CD300A: variants seen among roughly 807,000 people sequenced by gnomAD.
The protein encoded by CD300A is CD300a molecule.
A neutral mutation model predicts 33.6 loss-of-function variants in CD300A; 22 were observed. The observed-to-expected ratio is 0.66, with a 90% CI of 0.47 to 0.94. The LOEUF (loss-of-function observed/expected upper bound fraction) is 0.94, where lower values mean the gene tolerates loss of function less well. Among genes scored for constraint, CD300A ranks in the 40% least tolerant of loss-of-function variants. CD300A has a pLI of 0.00. For synonymous variants in CD300A, 136 were observed against 148.1 expected, an observed-to-expected ratio of 0.92 and a Z score of 0.59; for missense variants, 326 against 360.5, an observed-to-expected ratio of 0.90 and a Z score of 0.77.
chr17:74,473,885 C>G lies in CD300A; in HGVS notation c.379+11C>G. ...TGTCCGTGTTCCCGGGTGAGCCCCT[C>G]CTTCCCTCAGCGCCTAAATAGGCTC... On this transcript the variant is annotated intron_variant, in intron 2 of 6. Transcript: ENST00000360141. 1 of 1,606,458 alleles carries G rather than the reference C, an allele frequency of 6.2e-7. No individual in the cohort carries two copies. Among genetic ancestry groups the G allele is most frequent in the Admixed American group, 1.7e-5 (1 of 59,780 alleles).
intron 1 of CD300A, 54 bp from the exon 2 acceptor site, chr17:74,473,482 C>A: frequency 1.9e-6 from 3 of 1,554,676 alleles, no homozygotes; most frequent in Non-Finnish European, 2.6e-6. Context: ...CCCCAGGGCA[C>A]CCCTGACCAG....
Position 74,480,519 on chromosome 17 carries a change from A to T in CD300A, c.629-770A>T, listed in dbSNP as rs1906765962. On this transcript the variant is annotated intron_variant, in intron 4 of 6. Transcript: ENST00000360141. This position sits in a 1 kb window ranked among gnomAD's most constrained non-coding sequence, Gnocchi z 4.2. Reference sequence around the variant, plus strand: ...CTGGGGCTGACAGGCCTCCTTCCCTACGGCCTGGGGCAGCAGGCAGGTGGG... The same window carrying T: ...CTGGGGCTGACAGGCCTCCTTCCCTTCGGCCTGGGGCAGCAGGCAGGTGGG... 6.6e-6 allele frequency among the ~76,000 whole-genome samples: 1 copy of T among 152,036 alleles called. No individual in the cohort carries two copies. The highest frequency in any genetic ancestry group is 6.5e-5 in the Admixed American group (1 of 15,274).
intron 1 of CD300A, among the ~76,000 whole-genome samples, chr17:74,473,005 G>A (rs1906205681): frequency 2.0e-5 from 3 of 152,100 alleles, no homozygotes; most frequent in Non-Finnish European, 4.4e-5. Flanking sequence ...TCCTCTTGCA[G>A]GGTTGCCCAG....
intron 1 of CD300A, among the ~76,000 whole-genome samples, chr17:74,468,592 C>G (rs891443001): frequency 6.6e-6 from 1 of 152,144 alleles, no homozygotes; most frequent in Non-Finnish European, 1.5e-5. Context: ...CTTGTCCTCC[C>G]AAAATGCAGG....
chr17:74,476,823 A>G (rs1324647355), intron 3 of CD300A, among the ~76,000 whole-genome samples: 1 of 152,212 alleles, frequency 6.6e-6, no homozygotes, highest in Non-Finnish European at 1.5e-5. Flanking sequence ...ACTGACGTGG[A>G]AAGACCTCTA....
Position 74,474,691 on chromosome 17 carries a change from C to T in CD300A, c.533+6C>T, listed in dbSNP as rs752969166. ...GAGGAGGTGGTGAACTCACAGTAAG[C>T]ACCCTAGCCCCTGAGACATGGAGGG... is the stretch of plus-strand genomic sequence containing the variant. On this transcript the variant is annotated splice_donor_region_variant and intron_variant, in intron 3 of 6. Coordinates refer to ENST00000360141, the MANE Select transcript of CD300A (RefSeq NM_007261.4). 8.1e-6 allele frequency: 13 copies of T among 1,613,720 alleles called. No individual in the cohort carries two copies. Among genetic ancestry groups the T allele is most frequent in the South Asian group, 6.6e-5 (6 of 91,054 alleles).
At position 74,484,181 on chromosome 17, in the gene CD300A, C is replaced by G; in HGVS notation, c.*55C>G. On this transcript the variant is annotated 3_prime_UTR_variant, in exon 7 of 7. Coordinates refer to ENST00000360141, the MANE Select transcript of CD300A (RefSeq NM_007261.4). ...TCATGGGCCCCAGGAAGTCCAGGGACAGCTCCCTTATACCTGGCCCACGTC... is the reference window on the plus strand; with the variant it reads ...TCATGGGCCCCAGGAAGTCCAGGGAGAGCTCCCTTATACCTGGCCCACGTC... 1 of 1,597,526 alleles carries G rather than the reference C, an allele frequency of 6.3e-7. No individual in the cohort carries two copies. Among genetic ancestry groups the G allele is most frequent in the Non-Finnish European group, 8.6e-7 (1 of 1,168,766 alleles).
Position 74,473,780 on chromosome 17 carries a change from G to A in CD300A, c.285G>A (p.Glu95=). ...CAGTGACCCTGGAGAATCTCACAGA[G>A]GAGGATGCAGGCACCTACTGGTGTG... The part of the protein sequence containing the change: ...SFTVTLENLT[E]EDAGTYWCGV... The change falls in exon 2 of 7, where the codon GAG becomes GAA. Residue 95 remains glutamate (E), a synonymous_variant. Transcript: ENST00000360141. 1 of 1,614,260 alleles carries A rather than the reference G, an allele frequency of 6.2e-7. No homozygotes were observed. Among genetic ancestry groups the A allele is most frequent in the Non-Finnish European group, 8.5e-7 (1 of 1,180,038 alleles).
chr17:74,481,682 G>A (rs1218773321), intron 5 of CD300A, 44 bp from the exon 6 acceptor site: 1 of 1,398,844 alleles, frequency 7.1e-7, no homozygotes. Flanking sequence ...GACAGAGGCT[G>A]CAGGGCTCCG....
At chr17:74,474,908 A>G (rs1251937954) in intron 3 of CD300A, among the ~76,000 whole-genome samples, 1 of 152,138 alleles carries the variant, frequency 6.6e-6, no homozygotes, top group African/African-American at 2.4e-5. Flanking sequence ...AAGGAAAGTG[A>G]TAGTTACTGA....
In CD300A at chr17:74,480,780, C is replaced by T. The variant is rs755124805; in HGVS notation, c.629-509C>T. ...TTTTCGTTTTTGAGACAGAGTCTTGCTCTGTTGCCCAGGCTGGAGTGCAGT... is the reference window on the plus strand; with the variant it reads ...TTTTCGTTTTTGAGACAGAGTCTTGTTCTGTTGCCCAGGCTGGAGTGCAGT... On this transcript the variant is annotated intron_variant, in intron 4 of 6. Transcript: ENST00000360141. This position sits in a 1 kb window ranked among gnomAD's most constrained non-coding sequence, Gnocchi z 4.2. 6.6e-6 allele frequency among the ~76,000 whole-genome samples: 1 copy of T among 152,164 alleles called. No homozygotes were observed. The highest frequency in any genetic ancestry group is 1.5e-5 in the Non-Finnish European group (1 of 68,038).
rs111636139 is a variant in CD300A at position 74,473,583 on chromosome 17, G to A, written c.88G>A (p.Gly30Arg). 191 of 1,614,020 alleles carry A rather than the reference G, an allele frequency of 1.2e-4. 1 individual carries two copies. The Middle Eastern group carries it at 3.3e-3, about 28-fold the overall frequency. Reference sequence around the variant, plus strand: ...CAGGACCGTGGCGGGCCCCGTGGGGGGATCCCTGAGTGTGCAGTGTCCCTA... The same window carrying A: ...CAGGACCGTGGCGGGCCCCGTGGGGAGATCCCTGAGTGTGCAGTGTCCCTA... Reference protein sequence around the residue: ...KCRTVAGPVGGSLSVQCPYEK... With the variant: ...KCRTVAGPVGRSLSVQCPYEK... The change falls in exon 2 of 7, where the codon GGA (glycine) becomes AGA (arginine). Residue 30 changes from glycine (G) to arginine (R), a missense_variant. Physicochemically the swap from Gly to Arg is moderately radical, Grantham distance 125. Transcript: ENST00000360141.
intron 6 of CD300A, among the ~76,000 whole-genome samples, chr17:74,483,775 G>A (rs1446309935): frequency 6.6e-6 from 1 of 152,144 alleles, no homozygotes; most frequent in Non-Finnish European, 1.5e-5. Flanking sequence ...AGGAGCCCCC[G>A]GAGCCTCCTG....
At chr17:74,466,600 C>T, upstream of CD300A, 3 of 1,297,484 alleles carry the variant, frequency 2.3e-6, no homozygotes, top group South Asian at 2.5e-5. Flanking sequence ...AGCAGCGCGG[C>T]ACCAAGAAAA....
chr17:74,473,479 G>A, intron 1 of CD300A, 57 bp from the exon 2 acceptor site: 1 of 1,537,688 alleles, frequency 6.5e-7, no homozygotes, highest in Non-Finnish European at 8.8e-7. Flanking sequence ...TGACCCCAGG[G>A]CACCCCTGAC....
intron 1 of CD300A, among the ~76,000 whole-genome samples, chr17:74,469,394 T>C (rs1368902505): frequency 6.6e-6 from 1 of 152,130 alleles, no homozygotes; most frequent in Non-Finnish European, 1.5e-5. Context: ...TTGGCCTACA[T>C]TGATGATTTA....
chr17:74,481,162 G>A, intron 4 of CD300A, 127 bp from the exon 5 acceptor site: 3 of 773,310 alleles, frequency 3.9e-6, no homozygotes, highest in Non-Finnish European at 4.5e-6. Flanking sequence ...CCATGCTTCA[G>A]GCCTGAAGGG....
intron 6 of CD300A, among the ~76,000 whole-genome samples, chr17:74,483,245 G>A (rs750390519): frequency 5.3e-5 from 8 of 152,176 alleles, no homozygotes; most frequent in Non-Finnish European, 1.0e-4. Context: ...CAGGGCCAAC[G>A]CAGTACCCCT....
chr17:74,467,003 G>A, intron 1 of CD300A: 2 of 1,378,068 alleles, frequency 1.5e-6, no homozygotes, highest in Non-Finnish European at 1.9e-6. Flanking sequence ...GGTGGGTGCA[G>A]AAAAGGGACC....
Sources: allele counts gnomAD v4.1 joint callset (sites outside exome capture counted in the v4.1 genomes callset), GRCh38; gene constraint gnomAD v4.1.1; non-coding constraint Gnocchi (gnomAD v3.1); transcripts MANE v1.5; gene names NCBI Gene and HGNC (gene_info 2026-07-23, HGNC 2026-07-21).